The following HOXC4 variants were observed in gnomAD, a reference collection of about 807,000 sequenced individuals.
HOXC4 encodes the protein homeobox C4.
HOXC4 carries 15 observed loss-of-function variants against 25.5 expected under a neutral mutation model. The ratio of observed to expected loss-of-function variants is 0.59; its 90% CI spans 0.39 to 0.91. The LOEUF (loss-of-function observed/expected upper bound fraction) is 0.91. HOXC4 is among the 40% of genes least tolerant of loss of function. HOXC4 has a pLI of 0.00. For synonymous variants in HOXC4, 165 were observed against 148.0 expected (o/e 1.11, Z -0.83); for missense variants, 342 against 352.4 (o/e 0.97, Z 0.24).
chr12:54,040,101 G>A (rs1941246553), intron 1 of HOXC4, among the ~76,000 whole-genome samples: 1 of 152,140 alleles, frequency 6.6e-6, no homozygotes, highest in African/African-American at 2.4e-5. Context: ...TGGAAACAGG[G>A]CAAACGCAAA....
At position 54,055,193 on chromosome 12, in the gene HOXC4, T is replaced by A. The variant is rs768145726; in HGVS notation, c.783T>A (p.Ile261=). ...CGGAGCAGCAACGGGCAGAGGACAT[T>A]ACCAGGTTATAAAACATAACTCACA... ...TPPEQQRAED[I]TRL Residue 261 remains isoleucine (I), a synonymous_variant, in exon 2 of 2, where the codon ATT becomes ATA. Coordinates refer to ENST00000430889, the MANE Select transcript of HOXC4 (RefSeq NM_153633.3). The A allele has an allele frequency of 1.9e-6, 3 of 1,594,036 alleles. No homozygotes were observed. Among genetic ancestry groups the A allele is most frequent in the Non-Finnish European group, 2.6e-6 (3 of 1,168,846 alleles).
intron 1 of HOXC4, among the ~76,000 whole-genome samples, chr12:54,036,863 GCTGCCCAGGCCCTGTGCTTC>G (rs1042567498): frequency 6.6e-6 from 1 of 152,186 alleles, no homozygotes; most frequent in Non-Finnish European, 1.5e-5. Context: ...AGCCTCCCAG[GCTGCCCAGGCCCTGTGCTTC>G]CTCCCCAGGG....
rs1238218558 is a variant in HOXC4, at chr12:54,055,121, A to T, written c.711A>T (p.Ala237=). 6.2e-7 allele frequency: 1 copy of T among 1,613,234 alleles called. No homozygotes were observed. The highest frequency in any genetic ancestry group is 8.5e-7 in the Non-Finnish European group (1 of 1,179,838). ...PAGAAPSTLS[A]ATPGTSEDHS... The stretch of plus-strand genomic sequence containing the variant: ...GCGCTGCGCCCAGCACCCTTTCGGC[A>T]GCTACCCCGGGTACTTCTGAAGACC... Residue 237 remains alanine (A), a synonymous_variant, in exon 2 of 2, where the codon GCA becomes GCT. Coordinates refer to ENST00000430889, the MANE Select transcript of HOXC4 (RefSeq NM_153633.3).
rs749629965 is a variant in HOXC4 at position 54,053,991 on chromosome 12, T to C, written c.69T>C (p.Tyr23=). ...IDPKFPPCEE[Y]SQNSYIPEHS... ...CGAAATTTCCTCCATGCGAAGAATA[T>C]TCGCAAAATAGCTACATCCCTGAAC... is the stretch of plus-strand genomic sequence containing the variant. The change falls in exon 1 of 2, where the codon TAT becomes TAC. Residue 23 remains tyrosine, a synonymous_variant. Coordinates refer to ENST00000430889, the MANE Select transcript of HOXC4 (RefSeq NM_153633.3). The C allele has an allele frequency of 6.2e-7, 1 of 1,614,152 alleles. No individual in the cohort carries two copies. Among genetic ancestry groups the C allele is most frequent in the South Asian group, 1.1e-5 (1 of 91,086 alleles).
At chr12:54,033,117 C>T (rs780027416) in intron 1 of HOXC4, 4 of 1,593,196 alleles carry the variant, frequency 2.5e-6, no homozygotes, top group South Asian at 1.1e-5. Flanking sequence ...TTGGGCCCTC[C>T]CCGCCATGAG....
rs533039549 is a variant in HOXC4, at chr12:54,034,700, C to T, written c.-124+17286C>T. ...CGGGGCTGTCGGCGCTGCCCCATCT[C>T]CCCTCAGCTCGGCTCAGCTCGGTAC... On this transcript the variant is annotated intron_variant, in intron 1 of 3. Coordinates refer to the HOXC4 transcript ENST00000303406. 2.0e-5 allele frequency: 11 copies of T among 563,490 alleles called. No homozygotes were observed. In the South Asian group the frequency reaches 2.2e-4, roughly 11 times the overall value. The allele number at this position is 563,490 out of a possible 1,614,324, so 34.9% of individuals were successfully genotyped here. A position where few individuals can be genotyped will look rare whatever the true frequency, so the allele number is the denominator to read the frequency against.
rs368312732 is a variant in HOXC4, at chr12:54,054,110, C to G, written c.188C>G (p.Pro63Arg). The G allele has an allele frequency of 1.2e-5, 19 of 1,614,098 alleles. No individual in the cohort carries two copies. The African/African-American group carries it at 2.4e-4, about 20-fold the overall frequency. ...CCACCGCCTCCGCGCCCTAGCTACC[C>G]TGAGCGCCAGTATAGCTGCACCAGT... ...YPPPPPRPSY[P>R]ERQYSCTSLQ... Residue 63 changes from proline to arginine, a missense_variant, in exon 1 of 2, where the codon CCT (proline) becomes CGT (arginine). Coordinates refer to ENST00000430889, the MANE Select transcript of HOXC4 (RefSeq NM_153633.3).
rs1271843723 is a variant in HOXC4 at position 54,032,490 on chromosome 12, C to G, written c.-124+15076C>G. Among the ~76,000 whole-genome samples the G allele has an allele frequency of 2.6e-5, 4 of 152,226 alleles. No homozygotes were observed. In the East Asian group the frequency reaches 7.7e-4, roughly 29 times the overall value. Reference sequence around the variant, plus strand: ...GGTTCTCCAGCCTGGGCATAGGCCACCTTACCTAACTTAATCCCCTTTCCT... The same window carrying G: ...GGTTCTCCAGCCTGGGCATAGGCCAGCTTACCTAACTTAATCCCCTTTCCT... On this transcript the variant is annotated intron_variant, in intron 1 of 3. Coordinates refer to the HOXC4 transcript ENST00000303406.
At chr12:54,028,671 C>T (rs757013916) in intron 1 of HOXC4, 1 of 1,614,168 alleles carries the variant, frequency 6.2e-7, no homozygotes. Context: ...ACCGGATCTA[C>T]TCGACTCCCT....
At chr12:54,018,767 G>A (rs894026247) in intron 1 of HOXC4, among the ~76,000 whole-genome samples, 2 of 152,138 alleles carry the variant, frequency 1.3e-5, no homozygotes, top group African/African-American at 4.8e-5. Context: ...AGGCGTGGGG[G>A]AACATATTCC....
rs1234645036 is a variant in HOXC4, at chr12:54,029,403, G to GC, written c.-124+11996dup. Among the ~76,000 whole-genome samples the GC allele has an allele frequency of 4.5e-3, 263 of 58,854 alleles. 6 individuals carry two copies. The highest frequency in any genetic ancestry group is 0.011 in the African/African-American group (166 of 15,750). 38.6% of individuals were successfully genotyped at this position (58,854 alleles called of 152,430 possible). On this transcript the variant is annotated intron_variant, in intron 1 of 3. Transcript: ENST00000303406. ...CAGCTTTCTGTTTGCCTTTTGCCCCGCCCCCCCGCCCCCCCCCCCACCACA... is the reference window on the plus strand; with the variant it reads ...CAGCTTTCTGTTTGCCTTTTGCCCCGCCCCCCCCGCCCCCCCCCCCACCACA...
At chr12:54,049,905 T>C (rs1937806552), upstream of HOXC4, among the ~76,000 whole-genome samples, 1 of 151,940 alleles carries the variant, frequency 6.6e-6, no homozygotes, top group African/African-American at 2.4e-5. Context: ...CCATCTAAAA[T>C]TCAATTTATA....
chr12:54,039,378 T>C (rs1219983317), intron 1 of HOXC4, among the ~76,000 whole-genome samples: 1 of 151,916 alleles, frequency 6.6e-6, no homozygotes, highest in Non-Finnish European at 1.5e-5. Context: ...GAGGCCCAAA[T>C]AAATGGGGAG....
At position 54,055,311 on chromosome 12, in the gene HOXC4, T is replaced by G; in HGVS notation, c.*106T>G. On this transcript the variant is annotated 3_prime_UTR_variant, in exon 2 of 2. Transcript: ENST00000430889. ...ATATATATATATATATATATATATA[T>G]AGGTTCTTTTCTCTCTTCCTCTCAC... 4.0e-6 allele frequency: 1 copy of G among 248,190 alleles called. No homozygotes were observed. Among genetic ancestry groups the G allele is most frequent in the East Asian group, 7.1e-5 (1 of 13,988 alleles). The allele number at this position is 248,190 out of a possible 1,614,324, so 15.4% of individuals were successfully genotyped here.
intron 1 of HOXC4, chr12:54,028,449 T>C: frequency 6.7e-7 from 1 of 1,501,152 alleles, no homozygotes; most frequent in South Asian, 1.3e-5. Context: ...TATAACCATC[T>C]AGTTCCGAGT....
chr12:54,046,357 T>C (rs1937703425), intron 1 of HOXC4, among the ~76,000 whole-genome samples: 1 of 152,066 alleles, frequency 6.6e-6, no homozygotes, highest in Non-Finnish European at 1.5e-5. Flanking sequence ...AGAATCCTAA[T>C]AGCCAGGCAG....
chr12:54,030,019 C>A, intron 1 of HOXC4: 2 of 1,391,094 alleles, frequency 1.4e-6, no homozygotes, highest in South Asian at 2.9e-5. Flanking sequence ...CACCAACTCT[C>A]CCCTAATCAC....
chr12:54,041,447 G>C (rs999699143), intron 1 of HOXC4, among the ~76,000 whole-genome samples: 3 of 152,188 alleles, frequency 2.0e-5, no homozygotes, highest in Non-Finnish European at 1.5e-5. Flanking sequence ...GTGGCACCTG[G>C]ACCTCTAAGC....
Position 54,029,983 on chromosome 12 carries a change from C to T in HOXC4, c.-124+12569C>T, listed in dbSNP as rs779937440. 2.0e-6 allele frequency: 3 copies of T among 1,505,170 alleles called. No homozygotes were observed. In the African/African-American group the frequency reaches 4.2e-5, roughly 21 times the overall value. The allele number at this position is 1,505,170 out of a possible 1,614,324, so 93.2% of individuals were successfully genotyped here. A position where few individuals can be genotyped will look rare whatever the true frequency, so the allele number is the denominator to read the frequency against. ...AGTGACCAGGACTGTCCCTGCCACC[C>T]CTCTCTCCCTTTCTCCCTCGCTCCC... is the stretch of plus-strand genomic sequence containing the variant. On this transcript the variant is annotated intron_variant, in intron 1 of 3. Transcript: ENST00000303406.
Sources: gnomAD v4.1 joint callset for allele counts (sites outside exome capture counted in the v4.1 genomes callset) on GRCh38, gnomAD v4.1.1 for gene constraint, MANE v1.5 for transcripts, NCBI Gene and HGNC (gene_info 2026-07-23, HGNC 2026-07-21) for gene names.